The following MOV10L1 variants were observed in gnomAD, a reference collection of about 807,000 sequenced individuals.
MOV10L1 encodes the protein RNA helicase Mov10l1.
A neutral mutation model predicts 143.8 loss-of-function variants in MOV10L1; 110 were observed. The ratio of observed to expected loss-of-function variants is 0.76; its 90% confidence interval spans 0.66 to 0.90. MOV10L1 has a LOEUF of 0.90. MOV10L1 is among the 40% of genes least tolerant of loss of function. The pLI, the probability that MOV10L1 is intolerant of heterozygous loss-of-function variation, is 0.00. For synonymous variants in MOV10L1, 593 were observed against 581.1 expected (o/e 1.02, Z -0.29); for missense variants, 1,406 against 1,526.8 (o/e 0.92, Z 1.32).
chr22:50,095,058 T>C (rs1323582324), intron 2 of MOV10L1: 1 of 152,172 alleles, frequency 6.6e-6, no homozygotes, highest in Non-Finnish European at 1.5e-5. Flanking sequence ...AATAAAAGTG[T>C]TTCCTCAGTT....
At chr22:50,138,252 G>A (rs570110809) in intron 15 of MOV10L1, among the ~76,000 whole-genome samples, 44 of 152,312 alleles carry the variant, frequency 2.9e-4, no homozygotes, top group Non-Finnish European at 6.2e-4. Flanking sequence ...GAAGCAGAAA[G>A]AACAGGCATC....
At chr22:50,097,597 A>G (rs2062621446) in intron 2 of MOV10L1, among the ~76,000 whole-genome samples, 1 of 152,058 alleles carries the variant, frequency 6.6e-6, no homozygotes, top group African/African-American at 2.4e-5. Flanking sequence ...TCTCTTTACT[A>G]TTCCATTGGT....
chr22:50,108,331 G>A, intron 4 of MOV10L1, 83 bp downstream of exon 4: 2 of 1,244,042 alleles, frequency 1.6e-6, no homozygotes, highest in Non-Finnish European at 2.3e-6. Flanking sequence ...GGCTTCTCCT[G>A]CATGTGTTGG....
At chr22:50,093,371 T>A (rs2062503657) in intron 2 of MOV10L1, 2 of 152,226 alleles carry the variant, frequency 1.3e-5, no homozygotes, top group South Asian at 4.1e-4. Flanking sequence ...CTGTGTTTTA[T>A]AGTTTCATTT....
In MOV10L1 at chr22:50,158,024, A is replaced by T; in HGVS notation, c.3067-33A>T. 2 of 1,593,628 alleles carry T rather than the reference A, an allele frequency of 1.3e-6. No homozygotes were observed. The highest frequency in any genetic ancestry group is 1.7e-6 in the Non-Finnish European group (2 of 1,167,750). ...GTAGCCTTCTGGTGAATATTCATGA[A>T]GTAAAGTAGGTTTTCTCTCCTCATC... is the stretch of plus-strand genomic sequence containing the variant. On this transcript the variant is annotated intron_variant, in intron 22 of 26. Transcript: ENST00000262794. The surrounding 1 kb of genome is among the most constrained non-coding windows in gnomAD (Gnocchi z 5.0).
intron 1 of MOV10L1, 146 bp from the exon 2 acceptor site, chr22:50,091,851 TTCTC>T (rs2062452588): frequency 1.8e-5 from 12 of 677,828 alleles, no homozygotes; most frequent in Non-Finnish European, 3.0e-5. Context: ...TCTGATGGGA[TTCTC>T]TCTGTCTCAA....
intron 8 of MOV10L1, among the ~76,000 whole-genome samples, chr22:50,116,776 C>G (rs2062191441): frequency 6.6e-6 from 1 of 151,280 alleles, no homozygotes; most frequent in East Asian, 2.0e-4. Context: ...CCACCTCAGC[C>G]TCCCGAGTAG....
intron 22 of MOV10L1, 149 bp downstream of exon 22, chr22:50,153,367 G>C: frequency 1.0e-6 from 1 of 975,378 alleles, no homozygotes; most frequent in South Asian, 1.9e-5. Flanking sequence ...TCGGGGGCTT[G>C]TGCCCCCCAA....
intron 20 of MOV10L1, 100 bp from the exon 21 acceptor site, chr22:50,150,635 G>A: frequency 7.4e-7 from 1 of 1,348,376 alleles, no homozygotes; most frequent in South Asian, 1.3e-5. Context: ...GCAAGAGTGA[G>A]CATGGGGCCA....
chr22:50,151,946 G>T (rs1007609615), intron 21 of MOV10L1, among the ~76,000 whole-genome samples: 23 of 152,358 alleles, frequency 1.5e-4, no homozygotes, highest in Admixed American at 1.5e-3. Flanking sequence ...ACCCCAGGAG[G>T]CTGCATGCTT....
chr22:50,141,832 G>T (rs1392936982), intron 15 of MOV10L1, among the ~76,000 whole-genome samples: 1 of 152,046 alleles, frequency 6.6e-6, no homozygotes, highest in Non-Finnish European at 1.5e-5. Context: ...CTGTGCTTTG[G>T]TTTCATCACA....
In MOV10L1 at chr22:50,144,203, C is replaced by T. The variant is rs1193995644; in HGVS notation, c.2465C>T (p.Ala822Val). 5 of 1,610,696 alleles carry T rather than the reference C, an allele frequency of 3.1e-6. No homozygotes were observed. The highest frequency in any genetic ancestry group is 4.2e-6 in the Non-Finnish European group (5 of 1,177,392). Residue 822 changes from alanine to valine, a missense_variant, in exon 18 of 27, where the codon GCC becomes GTC. By Grantham distance (64) the Ala-to-Val change is moderately conservative. Around this residue, in one of 3 missense-constraint regions of MOV10L1, gnomAD observed 1,233 missense variants for 1,351.4 expected, o/e 0.91. Coordinates refer to ENST00000262794, the MANE Select transcript of MOV10L1 (RefSeq NM_018995.3). The part of the protein sequence containing the change: ...RLHESKVLQP[A>V]TMVRVNATCR... Reference sequence around the variant, plus strand: ...CACGAGAGCAAGGTGCTACAGCCGGCCACCATGGTCCGGGTGAACGCCACC... The same window carrying T: ...CACGAGAGCAAGGTGCTACAGCCGGTCACCATGGTCCGGGTGAACGCCACC...
chr22:50,147,043 G>GA (rs1288453423), intron 19 of MOV10L1: 3 of 1,551,338 alleles, frequency 1.9e-6, no homozygotes, highest in Non-Finnish European at 2.6e-6. Flanking sequence ...GTGTGTTGAT[G>GA]AGTCAAAGGT....
At chr22:50,132,236 C>T (rs375313077) in intron 13 of MOV10L1, among the ~76,000 whole-genome samples, 1 of 152,316 alleles carries the variant, frequency 6.6e-6, no homozygotes, top group African/African-American at 2.4e-5. Flanking sequence ...GTCTCAAAAT[C>T]AGGTAGTATC....
rs764762250 is a variant in MOV10L1 at position 50,144,242 on chromosome 22, A to G, written c.2504A>G (p.Glu835Gly). The change falls in exon 18 of 27, where the codon GAG becomes GGG. Residue 835 changes from glutamate to glycine, a missense_variant and splice_region_variant. Glu to Gly is a moderately conservative substitution (Grantham distance 98). This residue lies in a region of MOV10L1 where 1,233 missense variants were observed against 1,351.4 expected (regional missense o/e 0.91). Coordinates refer to ENST00000262794, the MANE Select transcript of MOV10L1 (RefSeq NM_018995.3). ...GTGAACGCCACCTGCAGGTTCGAGGAGGTGAGCCCTTGGTGCAAGCAGTGG... is the reference window on the plus strand; with the variant it reads ...GTGAACGCCACCTGCAGGTTCGAGGGGGTGAGCCCTTGGTGCAAGCAGTGG... ...VRVNATCRFE[E>G]IVIDAVKPYC... 5 of 1,596,858 alleles carry G rather than the reference A, an allele frequency of 3.1e-6. No homozygotes were observed. The highest frequency in any genetic ancestry group is 4.3e-6 in the Non-Finnish European group (5 of 1,167,214).
chr22:50,107,849 C>T (rs1403926713), intron 3 of MOV10L1, among the ~76,000 whole-genome samples: 1 of 152,168 alleles, frequency 6.6e-6, no homozygotes, highest in African/African-American at 2.4e-5. Context: ...ATGCCACCTG[C>T]CCTCAGATGT....
At chr22:50,112,026 T>C (rs939754370) in intron 5 of MOV10L1, among the ~76,000 whole-genome samples, 3 of 152,136 alleles carry the variant, frequency 2.0e-5, no homozygotes, top group South Asian at 2.1e-4. Context: ...GTGCACCCCA[T>C]GTAAGGTAGC....
chr22:50,120,271 T>TA (rs2062301449), intron 9 of MOV10L1, among the ~76,000 whole-genome samples: 2 of 152,164 alleles, frequency 1.3e-5, no homozygotes, highest in African/African-American at 4.8e-5. Context: ...CAGCTACACT[T>TA]ACCTGTTTAC....
rs1302713558 is a variant in MOV10L1, at chr22:50,139,953, G to GGACGCGCACCTGCCATAC, written c.2071-2127_2071-2110dup. On this transcript the variant is annotated intron_variant, in intron 15 of 26. Coordinates refer to ENST00000262794, the MANE Select transcript of MOV10L1 (RefSeq NM_018995.3). ...GTGCAAAAGGTGTTTTTAAGAAGCT[G>GGACGCGCACCTGCCATAC]GACGCGCACCTGCCATACAACCCAG... Among the ~76,000 whole-genome samples the GGACGCGCACCTGCCATAC allele has an allele frequency of 5.3e-5, 8 of 152,250 alleles. No homozygotes were observed. The South Asian group carries it at 1.7e-3, about 32-fold the overall frequency.
Sources: allele counts gnomAD v4.1 joint callset (sites outside exome capture counted in the v4.1 genomes callset), GRCh38; gene constraint gnomAD v4.1.1; regional missense constraint gnomAD v4.1.1; non-coding constraint Gnocchi (gnomAD v3.1); transcripts MANE v1.5; gene names NCBI Gene and HGNC (gene_info 2026-07-23, HGNC 2026-07-21).